Variants in COQ8A observed in about 807,000 individuals in gnomAD.
COQ8A encodes the protein atypical kinase COQ8A, mitochondrial.
COQ8A carries 51 observed loss-of-function variants against 65.0 expected under a neutral mutation model. The ratio of observed to expected loss-of-function variants is 0.78; its 90% CI spans 0.63 to 0.99. COQ8A has a LOEUF of 0.99. COQ8A is among the 50% of genes least tolerant of loss of function. COQ8A has a pLI of 0.00. For synonymous variants in COQ8A, 371 were observed against 353.2 expected (o/e 1.05, Z -0.57); for missense variants, 940 against 875.0 (o/e 1.07, Z -0.94).
intron 1 of COQ8A, among the ~76,000 whole-genome samples, chr1:226,951,607 G>A (rs1657392348): frequency 6.6e-6 from 1 of 152,104 alleles, no homozygotes; most frequent in Non-Finnish European, 1.5e-5. Context: ...GCCCCAACAC[G>A]AGCCTTATTG....
At chr1:226,977,371 C>T in intron 4 of COQ8A, 78 bp from the exon 5 acceptor site, 1 of 1,402,480 alleles carries the variant, frequency 7.1e-7, no homozygotes, top group Non-Finnish European at 9.8e-7. Context: ...TGTGGTGCTG[C>T]CCCAGGCCTT....
chr1:226,983,721 A>G (rs758656323), intron 9 of COQ8A, 40 bp from the exon 10 acceptor site: 13 of 1,612,350 alleles, frequency 8.1e-6, no homozygotes, highest in African/African-American at 8.0e-5. Flanking sequence ...TCCTCCCTGC[A>G]GAGCCCCCTT....
Position 226,984,529 on chromosome 1 carries a change from C to G in COQ8A, c.1399-19C>G. ...GCAGTGTGGTGCTGCCTGACACAGACCCTTCGCGCTGTCCACAGATCTGCT... is the reference window on the plus strand; with the variant it reads ...GCAGTGTGGTGCTGCCTGACACAGAGCCTTCGCGCTGTCCACAGATCTGCT... On this transcript the variant is annotated intron_variant, in intron 11 of 14. Transcript: ENST00000366777. 1 of 1,595,962 alleles carries G rather than the reference C, an allele frequency of 6.3e-7. No individual in the cohort carries two copies. The highest frequency in any genetic ancestry group is 1.1e-5 in the South Asian group (1 of 90,814).
chr1:226,959,675 A>T (rs1658031144), intron 1 of COQ8A, among the ~76,000 whole-genome samples: 1 of 152,230 alleles, frequency 6.6e-6, no homozygotes, highest in East Asian at 1.9e-4. Context: ...CCCAGTATGC[A>T]GGACCACATA....
rs1436446764 is a variant in COQ8A, at chr1:226,984,862, GTC to G, written c.1507-10_1507-9del. ...GCACCAGGGCCAAACTTCTCCTGGT[GTC>G]TCTGTCCCCAGGTGGCTCTTTTGGA... is the stretch of plus-strand genomic sequence containing the variant. On this transcript the variant is annotated splice_polypyrimidine_tract_variant and intron_variant, in intron 12 of 14. Transcript: ENST00000366777. 5 of 1,614,008 alleles carry G rather than the reference GTC, an allele frequency of 3.1e-6. No homozygotes were observed. The highest frequency in any genetic ancestry group is 3.4e-6 in the Non-Finnish European group (4 of 1,179,998).
chr1:226,983,186 G>A, intron 8 of COQ8A, 152 bp downstream of exon 8: 1 of 1,187,126 alleles, frequency 8.4e-7, no homozygotes. Context: ...CCAGTGCCTG[G>A]ACGGCACCAG....
At chr1:226,958,609 CT>C (rs1477577126) in intron 1 of COQ8A, among the ~76,000 whole-genome samples, 1 of 152,230 alleles carries the variant, frequency 6.6e-6, no homozygotes, top group Non-Finnish European at 1.5e-5. Flanking sequence ...GGTCAGTGAA[CT>C]TGTGTTGAAG....
chr1:226,957,575 T>G lies in COQ8A; in HGVS notation c.-9-3802T>G, dbSNP rs752369713. Among the ~76,000 whole-genome samples the G allele has an allele frequency of 8.4e-4, 128 of 151,976 alleles. 1 individual carries two copies. The highest frequency in any genetic ancestry group is 1.4e-3 in the Non-Finnish European group (97 of 67,992). Reference sequence around the variant, plus strand: ...AGGAGATGAGTGACAGACAGTGAGTTTTGGCTGTGAAGGGGGGACTTGGAG... The same window carrying G: ...AGGAGATGAGTGACAGACAGTGAGTGTTGGCTGTGAAGGGGGGACTTGGAG... On this transcript the variant is annotated intron_variant, in intron 1 of 14. Transcript: ENST00000366777.
chr1:226,984,942 G>GT lies in COQ8A; in HGVS notation c.1572+2dup, dbSNP rs753540485. On this transcript the variant is annotated splice_donor_variant, in intron 13 of 14. Coordinates refer to ENST00000366777, the MANE Select transcript of COQ8A (RefSeq NM_020247.5). LOFTEE classifies it high-confidence loss of function. ...ATCCTTCACCGACCTCTACATTCAG[G>GT]TAACTGGAGAGGGGCCCTGGCCTTG... The GT allele has an allele frequency of 1.2e-6, 2 of 1,614,130 alleles. No individual in the cohort carries two copies. The highest frequency in any genetic ancestry group is 2.2e-5 in the East Asian group (1 of 44,888).
At chr1:226,983,399 C>A in intron 8 of COQ8A, 153 bp from the exon 9 acceptor site, 2 of 766,168 alleles carry the variant, frequency 2.6e-6, no homozygotes, top group Non-Finnish European at 4.5e-6. Context: ...GTCCAGGTCA[C>A]GGCAGCATGG....
chr1:226,952,347 T>C (rs1464640910), intron 1 of COQ8A, among the ~76,000 whole-genome samples: 1 of 152,266 alleles, frequency 6.6e-6, no homozygotes, highest in Admixed American at 6.5e-5. Flanking sequence ...GGGAATACAT[T>C]TGTGTGCTTG....
chr1:226,966,862 A>C (rs138204140), intron 4 of COQ8A, among the ~76,000 whole-genome samples: 2 of 152,126 alleles, frequency 1.3e-5, no homozygotes, highest in African/African-American at 2.4e-5. Flanking sequence ...GAGCTGCGTA[A>C]TGTGTGTGGG....
intron 2 of COQ8A, 26 bp from the exon 3 acceptor site, chr1:226,964,974 C>T: frequency 6.2e-7 from 1 of 1,613,148 alleles, no homozygotes; most frequent in Non-Finnish European, 8.5e-7. Context: ...TCTTGCTCTC[C>T]TAATGCTGGC....
At chr1:226,945,098 G>A (rs1238612037) in intron 1 of COQ8A, among the ~76,000 whole-genome samples, 1 of 152,172 alleles carries the variant, frequency 6.6e-6, no homozygotes, top group Non-Finnish European at 1.5e-5. Context: ...CCCTGTGTGT[G>A]CTCTCCTTGC....
chr1:226,970,322 A>T (rs141883960), intron 4 of COQ8A, among the ~76,000 whole-genome samples: 4,691 of 152,330 alleles, frequency 0.031, 263 homozygotes, highest in African/African-American at 0.11. Flanking sequence ...TTGTGTGAAC[A>T]TCATAGAGTG....
At chr1:226,947,893 A>T (rs1290999919) in intron 1 of COQ8A, among the ~76,000 whole-genome samples, 2 of 152,162 alleles carry the variant, frequency 1.3e-5, no homozygotes, top group African/African-American at 4.8e-5. Context: ...ACAGGAATGC[A>T]CTGAGCTGTC....
At chr1:226,941,736 G>A (rs1229356270) in intron 1 of COQ8A, among the ~76,000 whole-genome samples, 1 of 150,876 alleles carries the variant, frequency 6.6e-6, no homozygotes, top group Admixed American at 6.6e-5. Context: ...GATGGCGCCA[G>A]TGCACTCCCC....
intron 4 of COQ8A, among the ~76,000 whole-genome samples, chr1:226,970,675 A>C (rs1310101899): frequency 6.6e-6 from 1 of 152,166 alleles, no homozygotes; most frequent in African/African-American, 2.4e-5. Context: ...ATATAAAAAT[A>C]AGTGATTATT....
At chr1:226,983,181 G>C in intron 8 of COQ8A, 147 bp downstream of exon 8, 1 of 1,219,140 alleles carries the variant, frequency 8.2e-7, no homozygotes, top group Non-Finnish European at 1.1e-6. Context: ...TGGCCCCAGT[G>C]CCTGGACGGC....
Sources: gnomAD v4.1 joint callset for allele counts (sites outside exome capture counted in the v4.1 genomes callset) on GRCh38, gnomAD v4.1.1 for gene constraint, MANE v1.5 for transcripts, NCBI Gene and HGNC (gene_info 2026-07-23, HGNC 2026-07-21) for gene names.